The following PMFBP1 variants were observed in gnomAD, a reference collection of about 807,000 sequenced individuals.
PMFBP1 encodes the protein polyamine-modulated factor 1-binding protein 1.
Under a neutral mutation model 137.8 loss-of-function variants are expected in PMFBP1, and 131 were observed. The observed-to-expected ratio is 0.95, with a 90% CI of 0.82 to 1.10. The LOEUF (loss-of-function observed/expected upper bound fraction) is 1.10, where lower values mean the gene tolerates loss of function less well. Ranked by LOEUF, PMFBP1 falls within the 50% of genes least tolerant of loss-of-function variation. PMFBP1 has a pLI of 0.00. For synonymous variants in PMFBP1, 490 were observed against 450.4 expected, an observed-to-expected ratio of 1.09 and a Z score of -1.11; for missense variants, 1,199 against 1,175.4, an observed-to-expected ratio of 1.02 and a Z score of -0.29.
chr16:72,241,531 T>C, the PMFBP1 span, among the ~76,000 whole-genome samples: 2 of 152,194 alleles, frequency 1.3e-5, no homozygotes, highest in Non-Finnish European at 2.9e-5. Context: ...AGCCAAAGCC[T>C]TGCAAGAATA....
upstream of PMFBP1, among the ~76,000 whole-genome samples, chr16:72,174,316 GT>G: frequency 6.6e-6 from 1 of 152,312 alleles, no homozygotes; most frequent in Non-Finnish European, 1.5e-5. Context: ...CACAATCTTA[GT>G]TATTTCTGAG....
intron 14 of PMFBP1, 42 bp from the exon 15 acceptor site, chr16:72,126,174 G>T: frequency 6.3e-7 from 1 of 1,598,676 alleles, no homozygotes. Flanking sequence ...GCCAGGTCAG[G>T]GTCATAGAGG....
intron 3 of PMFBP1, 97 bp from the exon 4 acceptor site, chr16:72,154,556 C>A: frequency 7.6e-7 from 1 of 1,318,586 alleles, no homozygotes; most frequent in Admixed American, 2.3e-5. Context: ...TCATTCACAT[C>A]CATCTATCCA....
chr16:72,246,597 G>GT, the PMFBP1 span, among the ~76,000 whole-genome samples: 12 of 151,874 alleles, frequency 7.9e-5, no homozygotes, highest in Non-Finnish European at 1.3e-4. Flanking sequence ...GTAAACACCT[G>GT]TTCATCTTTC....
chr16:72,146,113 C>T (rs1338715099), intron 5 of PMFBP1, among the ~76,000 whole-genome samples: 1 of 152,092 alleles, frequency 6.6e-6, no homozygotes, highest in Non-Finnish European at 1.5e-5. Context: ...AACATTGATG[C>T]GAAAATCCTC....
chr16:72,221,615 T>A, the PMFBP1 span, among the ~76,000 whole-genome samples: 23 of 151,312 alleles, frequency 1.5e-4, no homozygotes, highest in African/African-American at 5.4e-4. Context: ...GGAGGGAGAG[T>A]ATGGGGAAGG....
At chr16:72,223,139 A>T in the PMFBP1 span, among the ~76,000 whole-genome samples, 4 of 152,256 alleles carry the variant, frequency 2.6e-5, 1 homozygote, top group South Asian at 8.3e-4. Context: ...TCTCCAGGAC[A>T]TCTCAAAGGC....
the PMFBP1 span, among the ~76,000 whole-genome samples, chr16:72,203,814 C>T: frequency 6.6e-5 from 10 of 152,162 alleles, no homozygotes; most frequent in Non-Finnish European, 1.5e-4. Flanking sequence ...GAGTGAATTC[C>T]CTATGACTTC....
intron 3 of PMFBP1, among the ~76,000 whole-genome samples, 155 bp from the exon 4 acceptor site, chr16:72,154,614 A>G (rs2042955106): frequency 6.6e-6 from 1 of 152,062 alleles, no homozygotes; most frequent in Non-Finnish European, 1.5e-5. Flanking sequence ...ATTTCACTCT[A>G]TTCACAAGGA....
chr16:72,182,001 T>C, the PMFBP1 span, among the ~76,000 whole-genome samples: 1 of 152,232 alleles, frequency 6.6e-6, no homozygotes, highest in Non-Finnish European at 1.5e-5. Context: ...CCTAATGTTT[T>C]AAGAAAATTT....
the PMFBP1 span, among the ~76,000 whole-genome samples, chr16:72,222,269 G>C: frequency 6.6e-6 from 1 of 152,102 alleles, no homozygotes; most frequent in African/African-American, 2.4e-5. Context: ...ACCATGCCTG[G>C]CATAACCCTG....
chr16:72,202,636 T>C, the PMFBP1 span, among the ~76,000 whole-genome samples: 6 of 152,236 alleles, frequency 3.9e-5, no homozygotes, highest in East Asian at 1.9e-4. Context: ...TTCCCATTAT[T>C]GCCCCGTAGG....
chr16:72,166,506 T>C (rs1332367750), intron 2 of PMFBP1, among the ~76,000 whole-genome samples: 1 of 152,176 alleles, frequency 6.6e-6, no homozygotes, highest in East Asian at 1.9e-4. Context: ...AGTACCTATC[T>C]CTTAGGTTAG....
chr16:72,223,898 C>T, the PMFBP1 span, among the ~76,000 whole-genome samples: 2 of 152,118 alleles, frequency 1.3e-5, no homozygotes, highest in African/African-American at 4.8e-5. Flanking sequence ...CCTATCTATA[C>T]CTTAAAGGCC....
intron 5 of PMFBP1, among the ~76,000 whole-genome samples, chr16:72,148,649 T>C (rs1387578524): frequency 1.3e-5 from 2 of 152,148 alleles, no homozygotes; most frequent in African/African-American, 4.8e-5. Flanking sequence ...CTGTAATATA[T>C]TAAGAAGCTC....
chr16:72,247,697 T>C, the PMFBP1 span, among the ~76,000 whole-genome samples: 1 of 152,200 alleles, frequency 6.6e-6, no homozygotes, highest in African/African-American at 2.4e-5. Context: ...AGTGACTTCA[T>C]ATGGGTTTTT....
rs1045570147 is a variant in PMFBP1 at position 72,125,837 on chromosome 16, C to A, written c.2253+131G>T. 1.3e-5 allele frequency: 15 copies of A among 1,179,162 alleles called. 1 individual carries two copies. The highest frequency in any genetic ancestry group is 4.6e-5 in the South Asian group (3 of 65,754). 73.0% of individuals were successfully genotyped at this position (1,179,162 alleles called of 1,614,324 possible). On this transcript the variant is annotated intron_variant, in intron 15 of 20. Coordinates refer to ENST00000237353, the MANE Select transcript of PMFBP1 (RefSeq NM_031293.3). ...GCAGGCCTTCTCTGCACAGACATCCCAGCCCACACAAGGGTTTGAGATGGC... is the reference window on the plus strand; with the variant it reads ...GCAGGCCTTCTCTGCACAGACATCCAAGCCCACACAAGGGTTTGAGATGGC...
At chr16:72,201,171 T>C in the PMFBP1 span, among the ~76,000 whole-genome samples, 1 of 152,106 alleles carries the variant, frequency 6.6e-6, no homozygotes, top group African/African-American at 2.4e-5. Context: ...CAGCAATACT[T>C]TAACAGTGAC....
At position 72,130,362 on chromosome 16, in the gene PMFBP1, A is replaced by G. The variant is rs752159286; in HGVS notation, c.1638-5T>C. On this transcript the variant is annotated splice_polypyrimidine_tract_variant and splice_region_variant and intron_variant, in intron 11 of 20. Transcript: ENST00000237353. The stretch of plus-strand genomic sequence containing the variant: ...GACAGCTCCTCCACCCGTTTTCTAA[A>G]GCAAAATAACAGCCACAGGAGGACA... The G allele has an allele frequency of 1.9e-6, 3 of 1,614,162 alleles. No homozygotes were observed. Among genetic ancestry groups the G allele is most frequent in the Non-Finnish European group, 2.5e-6 (3 of 1,180,010 alleles).
Sources: gnomAD v4.1 joint callset for allele counts (sites outside exome capture counted in the v4.1 genomes callset) on GRCh38, gnomAD v4.1.1 for gene constraint, MANE v1.5 for transcripts, NCBI Gene and HGNC (gene_info 2026-07-23, HGNC 2026-07-21) for gene names.